NDRG3: variants seen among roughly 807,000 people sequenced by gnomAD.
The protein encoded by NDRG3 is NDRG family member 3, also known as protein NDRG3.
Under a neutral mutation model 57.2 loss-of-function variants are expected in NDRG3, and 23 were observed. The ratio of observed to expected loss-of-function variants is 0.40; its 90% confidence interval spans 0.29 to 0.57. The LOEUF is 0.57. NDRG3 is among the 20% of genes least tolerant of loss of function. NDRG3 has a pLI of 0.42. For missense variants in NDRG3, 384 were observed against 457.3 expected (o/e 0.84, Z 1.46); for synonymous variants, 132 against 162.6 (o/e 0.81, Z 1.43).
intron 12 of NDRG3, among the ~76,000 whole-genome samples, chr20:36,660,839 C>T (rs904382994): frequency 6.6e-6 from 1 of 152,074 alleles, no homozygotes; most frequent in African/African-American, 2.4e-5. Flanking sequence ...GGATTACAGG[C>T]GTGAGCCACC....
intron 1 of NDRG3, among the ~76,000 whole-genome samples, chr20:36,736,855 G>A (rs948094364): frequency 6.6e-6 from 1 of 152,144 alleles, no homozygotes; most frequent in African/African-American, 2.4e-5. Flanking sequence ...AAGCTAAGGG[G>A]TGGGGAAGGA....
chr20:36,743,092 C>T (rs1985995738), intron 1 of NDRG3, among the ~76,000 whole-genome samples: 1 of 152,222 alleles, frequency 6.6e-6, no homozygotes, highest in African/African-American at 2.4e-5. Context: ...AAGCCTCAGA[C>T]TATCCTACTG....
chr20:36,690,011 C>T (rs763468687), intron 3 of NDRG3, among the ~76,000 whole-genome samples: 5 of 152,072 alleles, frequency 3.3e-5, no homozygotes, highest in Non-Finnish European at 7.3e-5. Flanking sequence ...TGAGCCACCG[C>T]GCCCAGCCTG....
At chr20:36,659,161 G>A (rs948409782) in intron 13 of NDRG3, among the ~76,000 whole-genome samples, 1 of 152,026 alleles carries the variant, frequency 6.6e-6, no homozygotes, top group Non-Finnish European at 1.5e-5. Context: ...ATGTTTCCCA[G>A]ACTGCTCTCG....
chr20:36,671,756 T>C (rs948087638), intron 8 of NDRG3, among the ~76,000 whole-genome samples: 1 of 147,152 alleles, frequency 6.8e-6, no homozygotes, highest in Non-Finnish European at 1.5e-5. Flanking sequence ...GAGCCGAGAT[T>C]GCGCCACTGC....
intron 8 of NDRG3, among the ~76,000 whole-genome samples, chr20:36,674,184 T>C (rs1980438239): frequency 1.3e-5 from 2 of 152,170 alleles, no homozygotes; most frequent in Non-Finnish European, 2.9e-5. Context: ...TAAAAATTTA[T>C]TATCCATCTC....
chr20:36,671,580 A>C (rs547940584), intron 8 of NDRG3, among the ~76,000 whole-genome samples, 183 bp from the exon 9 acceptor site: 21 of 152,304 alleles, frequency 1.4e-4, no homozygotes, highest in Non-Finnish European at 2.2e-4. Context: ...AGGCGGGCAG[A>C]TCATGAGGTC....
At chr20:36,696,171 A>G (rs2148144293) in intron 3 of NDRG3, among the ~76,000 whole-genome samples, 1 of 151,568 alleles carries the variant, frequency 6.6e-6, no homozygotes, top group South Asian at 2.1e-4. Flanking sequence ...ATCTCGGCTC[A>G]CTGCAACCTC....
intron 3 of NDRG3, among the ~76,000 whole-genome samples, chr20:36,698,850 GGATA>G (rs1983017544): frequency 6.6e-6 from 1 of 151,974 alleles, no homozygotes; most frequent in South Asian, 2.1e-4. Flanking sequence ...AGATGCAAAA[GGATA>G]TATATTAAAA....
intron 15 of NDRG3, among the ~76,000 whole-genome samples, chr20:36,656,090 C>T (rs1196732712): frequency 7.1e-6 from 1 of 140,244 alleles, no homozygotes; most frequent in Non-Finnish European, 1.5e-5. Context: ...GCTGAGATCA[C>T]ACCACTGCAC....
At chr20:36,667,877 G>C (rs1305085124) in intron 9 of NDRG3, among the ~76,000 whole-genome samples, 1 of 152,140 alleles carries the variant, frequency 6.6e-6, no homozygotes, top group Admixed American at 6.6e-5. Context: ...AAGGGTACGC[G>C]AATCACTACT....
intron 7 of NDRG3, 39 bp from the exon 8 acceptor site, chr20:36,680,941 C>T (rs745670113): frequency 1.3e-6 from 2 of 1,524,872 alleles, no homozygotes; most frequent in East Asian, 2.3e-5. Context: ...GAAAGCTACA[C>T]TCCCACAGTT....
At chr20:36,731,911 A>T (rs183542877) in intron 1 of NDRG3, among the ~76,000 whole-genome samples, 34 of 152,252 alleles carry the variant, frequency 2.2e-4, no homozygotes, top group Admixed American at 1.7e-3. Context: ...ACTTGAGTCC[A>T]GGAGCTCAAG....
intron 2 of NDRG3, among the ~76,000 whole-genome samples, chr20:36,717,091 A>T (rs768113361): frequency 1.2e-4 from 18 of 152,256 alleles, no homozygotes; most frequent in Non-Finnish European, 2.2e-4. Flanking sequence ...ATGCCCATGC[A>T]ATTTCTGTCC....
chr20:36,705,165 A>T (rs993144652), intron 3 of NDRG3, among the ~76,000 whole-genome samples: 1 of 151,298 alleles, frequency 6.6e-6, no homozygotes, highest in Non-Finnish European at 1.5e-5. Context: ...ACTAAAAATT[A>T]AAAAAAATTA....
At chr20:36,669,058 AT>A (rs755486543) in intron 9 of NDRG3, among the ~76,000 whole-genome samples, 254 of 141,962 alleles carry the variant, frequency 1.8e-3, no homozygotes, top group Admixed American at 2.3e-3. Context: ...TGATTTTTGA[AT>A]TTTTTTTTTT....
intron 3 of NDRG3, among the ~76,000 whole-genome samples, chr20:36,697,502 T>C (rs1366169241): frequency 6.6e-6 from 1 of 151,914 alleles, no homozygotes; most frequent in Non-Finnish European, 1.5e-5. Context: ...AGGTCAGGAG[T>C]TTGAGACCAG....
At chr20:36,725,600 T>TAAAAAAAAAAAAAAAAAAAA (rs548128722) in intron 1 of NDRG3, among the ~76,000 whole-genome samples, 1 of 82,434 alleles carries the variant, frequency 1.2e-5, no homozygotes. Flanking sequence ...AGACTCCGTC[T>TAAAAAAAAAAAAAAAAAAAA]AAAAAAAAAA....
At chr20:36,734,147 C>T (rs1412028800) in intron 1 of NDRG3, among the ~76,000 whole-genome samples, 1 of 151,818 alleles carries the variant, frequency 6.6e-6, no homozygotes, top group Non-Finnish European at 1.5e-5. Context: ...ATCACCTTTG[C>T]AGTGAGCTGA....
Sources: allele counts gnomAD v4.1 joint callset (sites outside exome capture counted in the v4.1 genomes callset), GRCh38; gene constraint gnomAD v4.1.1; transcripts MANE v1.5; gene names NCBI Gene and HGNC (gene_info 2026-07-23, HGNC 2026-07-21).